The following CDH4 variants were observed in gnomAD, a reference collection of about 807,000 sequenced individuals.
CDH4 encodes cadherin 4, also known as cadherin-4.
A neutral mutation model predicts 86.0 loss-of-function variants in CDH4; 33 were observed. That is an observed-to-expected ratio of 0.38 (90% CI 0.29 to 0.51). The LOEUF (loss-of-function observed/expected upper bound fraction) is 0.51. Ranked by LOEUF, CDH4 falls within the 20% of genes least tolerant of loss-of-function variation. The probability of loss-of-function intolerance (pLI) is 0.86; values close to 1 mark genes in which losing one functional copy is unlikely to be tolerated. For synonymous variants in CDH4, 555 were observed against 549.4 expected, an observed-to-expected ratio of 1.01 and a Z score of -0.14; for missense variants, 1,114 against 1,307.4, an observed-to-expected ratio of 0.85 and a Z score of 2.28.
chr20:61,722,419 G>T (rs1332780807), intron 2 of CDH4, among the ~76,000 whole-genome samples: 4 of 152,148 alleles, frequency 2.6e-5, no homozygotes, highest in African/African-American at 9.7e-5. Context: ...AGTGAGGAAG[G>T]ATTTCACCTC....
At chr20:61,934,534 A>G (rs2055156117) in intron 15 of CDH4, among the ~76,000 whole-genome samples, 1 of 152,218 alleles carries the variant, frequency 6.6e-6, no homozygotes, top group South Asian at 2.1e-4. Flanking sequence ...AGTAGCAAGC[A>G]CAGGCCTCAG....
At chr20:61,725,138 G>T (rs976525899) in intron 2 of CDH4, among the ~76,000 whole-genome samples, 3 of 152,168 alleles carry the variant, frequency 2.0e-5, no homozygotes, top group Non-Finnish European at 4.4e-5. Flanking sequence ...AATTTAAAAA[G>T]GTGGAGGAGT....
intron 2 of CDH4, among the ~76,000 whole-genome samples, chr20:61,425,783 G>A (rs1445840244): frequency 2.0e-5 from 3 of 147,610 alleles, no homozygotes; most frequent in African/African-American, 2.5e-5. Context: ...CCCAGGGCAG[G>A]ATGGCCAATT....
chr20:61,317,078 A>G (rs1036307338), intron 2 of CDH4, among the ~76,000 whole-genome samples: 4 of 151,046 alleles, frequency 2.6e-5, no homozygotes, highest in Admixed American at 1.3e-4. Flanking sequence ...TCTGAATACC[A>G]TGTTCAAATA....
chr20:61,498,309 G>A (rs961771585), intron 2 of CDH4, among the ~76,000 whole-genome samples: 12 of 152,122 alleles, frequency 7.9e-5, no homozygotes, highest in African/African-American at 2.2e-4. Flanking sequence ...TGATTTTCCA[G>A]TTAATTGAAA....
chr20:61,527,511 G>T (rs923281003), intron 2 of CDH4, among the ~76,000 whole-genome samples: 1 of 152,148 alleles, frequency 6.6e-6, no homozygotes, highest in Non-Finnish European at 1.5e-5. Context: ...CAGTCTCCCA[G>T]AGTGCTGGGA....
intron 2 of CDH4, among the ~76,000 whole-genome samples, chr20:61,401,981 G>A (rs141549083): frequency 6.6e-6 from 1 of 152,368 alleles, no homozygotes; most frequent in East Asian, 1.9e-4. Flanking sequence ...GTTCACAGGT[G>A]TATCACGGAG....
At chr20:61,506,020 C>T (rs1302978010) in intron 2 of CDH4, among the ~76,000 whole-genome samples, 1 of 152,162 alleles carries the variant, frequency 6.6e-6, no homozygotes, top group East Asian at 1.9e-4. Context: ...GCAGTTCACA[C>T]TGGATGGGAT....
intron 4 of CDH4, among the ~76,000 whole-genome samples, chr20:61,835,330 G>A (rs1981820508): frequency 6.6e-6 from 1 of 152,198 alleles, no homozygotes; most frequent in Admixed American, 6.5e-5. Context: ...CTCCTAAAGT[G>A]CAGGGATTAC....
chr20:61,614,510 AG>A (rs1359164781), intron 2 of CDH4, among the ~76,000 whole-genome samples: 1 of 152,108 alleles, frequency 6.6e-6, no homozygotes, highest in East Asian at 1.9e-4. Context: ...TCAGAAGCAC[AG>A]GTGGCCGGTG....
chr20:61,932,226 C>T (rs1568897075), intron 13 of CDH4, among the ~76,000 whole-genome samples: 1 of 152,206 alleles, frequency 6.6e-6, no homozygotes, highest in Non-Finnish European at 1.5e-5. Context: ...CCTCAGCCCC[C>T]CATGTCCTCC....
At position 61,873,973 on chromosome 20, in the gene CDH4, G is replaced by T. The variant is rs1345411314; in HGVS notation, c.1050+73G>T. 8 of 1,539,294 alleles carry T rather than the reference G, an allele frequency of 5.2e-6. No individual in the cohort carries two copies. In the South Asian group the frequency reaches 9.5e-5, roughly 18 times the overall value. On this transcript the variant is annotated intron_variant, in intron 7 of 15. Transcript: ENST00000614565. ...CGCAGGACACCCACAGGACCCTCGG[G>T]GAGCCTCTCCAGTGGCGCCGTCGGG...
chr20:61,874,234 C>A (rs373667644), intron 7 of CDH4, among the ~76,000 whole-genome samples: 2 of 152,182 alleles, frequency 1.3e-5, no homozygotes, highest in East Asian at 3.9e-4. Context: ...GACAGCCCCT[C>A]TCAGGACCTG....
rs187868502 is a variant in CDH4 at position 61,764,971 on chromosome 20, T to C, written c.397-8032T>C. ...GCATTCCATAGGAAGCACAGTTGAT[T>C]AGGGCTTAATGGGGAGAGGCGATCT... On this transcript the variant is annotated intron_variant, in intron 3 of 15. Transcript: ENST00000614565. Among the ~76,000 whole-genome samples the C allele has an allele frequency of 2.0e-5, 3 of 152,280 alleles. No homozygotes were observed. In the East Asian group the frequency reaches 5.8e-4, roughly 29 times the overall value.
At chr20:61,664,956 G>A (rs2087306330) in intron 2 of CDH4, among the ~76,000 whole-genome samples, 1 of 152,240 alleles carries the variant, frequency 6.6e-6, no homozygotes, top group Non-Finnish European at 1.5e-5. Context: ...TGAACAAAGA[G>A]GCTGCCCAGA....
At chr20:61,273,284 A>T in intron 2 of CDH4, among the ~76,000 whole-genome samples, 1 of 118,808 alleles carries the variant, frequency 8.4e-6, no homozygotes, top group Non-Finnish European at 1.7e-5. Flanking sequence ...TTGGGGGAGT[A>T]TTGGGGAAGT....
intron 2 of CDH4, among the ~76,000 whole-genome samples, chr20:61,349,332 A>G (rs2084696839): frequency 6.6e-6 from 1 of 152,228 alleles, no homozygotes; most frequent in Admixed American, 6.5e-5. Flanking sequence ...CCAGCTCCGC[A>G]GCCGGGTGTG....
chr20:61,301,637 A>G (rs1176157150), intron 2 of CDH4, among the ~76,000 whole-genome samples: 1 of 152,260 alleles, frequency 6.6e-6, no homozygotes, highest in Non-Finnish European at 1.5e-5. Context: ...GTAAAGATTT[A>G]TTGAATATAC....
chr20:61,362,526 A>G (rs2084789622), intron 2 of CDH4, among the ~76,000 whole-genome samples: 1 of 149,534 alleles, frequency 6.7e-6, no homozygotes, highest in African/African-American at 2.5e-5. Context: ...GACGTGGCCT[A>G]GGACAGCGTA....
Sources: gnomAD v4.1 joint callset for allele counts (sites outside exome capture counted in the v4.1 genomes callset) on GRCh38, gnomAD v4.1.1 for gene constraint, MANE v1.5 for transcripts, NCBI Gene and HGNC (gene_info 2026-07-23, HGNC 2026-07-21) for gene names.